FGD4: variants seen among roughly 807,000 people sequenced by gnomAD.
FGD4 encodes FYVE, RhoGEF and PH domain-containing protein 4.
Under a neutral mutation model 102.0 loss-of-function variants are expected in FGD4, and 42 were observed. The observed-to-expected ratio is 0.41, with a 90% CI of 0.32 to 0.53. The LOEUF is 0.53. Among genes scored for constraint, FGD4 ranks in the 20% least tolerant of loss-of-function variants. The pLI, the probability that FGD4 is intolerant of heterozygous loss-of-function variation, is 0.21. For missense variants in FGD4, 902 were observed against 1,078.2 expected (o/e 0.84, Z 2.29); for synonymous variants, 380 against 375.7 (o/e 1.01, Z -0.13).
intron 10 of FGD4, among the ~76,000 whole-genome samples, chr12:32,615,049 A>T (rs920749311): frequency 1.6e-4 from 24 of 152,364 alleles, no homozygotes; most frequent in African/African-American, 5.5e-4. Flanking sequence ...CATTATTCAT[A>T]ATAGCCAAAA....
intron 1 of FGD4, among the ~76,000 whole-genome samples, chr12:32,557,638 T>C (rs1944229504): frequency 6.6e-6 from 1 of 152,184 alleles, no homozygotes; most frequent in Admixed American, 6.5e-5. Flanking sequence ...TGAAGAACCT[T>C]TGTGGCTTGA....
chr12:32,450,921 G>T (rs1942756653), intron 1 of FGD4, among the ~76,000 whole-genome samples: 1 of 152,144 alleles, frequency 6.6e-6, no homozygotes, highest in Admixed American at 6.5e-5. Context: ...TCCCATTGCT[G>T]CTGCTCCCTC....
chr12:32,546,878 C>T (rs991339216), intron 1 of FGD4, among the ~76,000 whole-genome samples: 2 of 152,174 alleles, frequency 1.3e-5, no homozygotes, highest in African/African-American at 4.8e-5. Context: ...TGGAAACAGG[C>T]AAGGTAATCT....
At chr12:32,441,860 CCT>C (rs1009336386) in intron 1 of FGD4, among the ~76,000 whole-genome samples, 5 of 152,052 alleles carry the variant, frequency 3.3e-5, no homozygotes, top group Non-Finnish European at 7.4e-5. Context: ...TTAAACGCTC[CCT>C]CTGTGGGCAG....
chr12:32,526,090 T>G (rs940261863), intron 1 of FGD4, among the ~76,000 whole-genome samples: 26 of 152,354 alleles, frequency 1.7e-4, no homozygotes, highest in East Asian at 1.9e-4. Flanking sequence ...CAGCTCCACC[T>G]GCAGCCCCGG....
chr12:32,435,746 C>T (rs540414365), intron 1 of FGD4, among the ~76,000 whole-genome samples: 39 of 152,124 alleles, frequency 2.6e-4, no homozygotes, highest in Non-Finnish European at 4.4e-4. Context: ...TGGGTGGCCC[C>T]GCTTTCTGAT....
At chr12:32,578,218 T>G (rs1309066330) in intron 3 of FGD4, among the ~76,000 whole-genome samples, 1 of 152,126 alleles carries the variant, frequency 6.6e-6, no homozygotes, top group Non-Finnish European at 1.5e-5. Context: ...AAATATTATT[T>G]GTGGTAGAGT....
intron 1 of FGD4, among the ~76,000 whole-genome samples, chr12:32,533,344 T>C (rs1449112169): frequency 6.6e-6 from 1 of 152,212 alleles, no homozygotes; most frequent in Non-Finnish European, 1.5e-5. Flanking sequence ...TTGGAGAGGT[T>C]ATTTTCCCCA....
chr12:32,601,171 T>C (rs1319903838), intron 5 of FGD4, 107 bp from the exon 6 acceptor site: 2 of 1,153,082 alleles, frequency 1.7e-6, no homozygotes, highest in Non-Finnish European at 2.5e-6. Flanking sequence ...TGTAAACTTT[T>C]CCATTTGCTC....
At chr12:32,413,918 G>A (rs1941300253) in intron 1 of FGD4, among the ~76,000 whole-genome samples, 1 of 150,540 alleles carries the variant, frequency 6.6e-6, no homozygotes, top group Admixed American at 6.6e-5. Flanking sequence ...TGTACTTTTG[G>A]ACAGAAAGAT....
intron 14 of FGD4, among the ~76,000 whole-genome samples, chr12:32,630,812 C>CAAAAA (rs530800673): frequency 3.4e-4 from 43 of 125,488 alleles, no homozygotes; most frequent in African/African-American, 1.2e-3. Context: ...GAGACTATGT[C>CAAAAA]AAAAAAAAAA....
intron 1 of FGD4, among the ~76,000 whole-genome samples, chr12:32,428,403 C>T (rs1941922930): frequency 6.6e-6 from 1 of 152,240 alleles, no homozygotes; most frequent in African/African-American, 2.4e-5. Flanking sequence ...CACTCTTCTT[C>T]TGGCTTGTAG....
At chr12:32,495,004 T>C (rs759807273) in intron 1 of FGD4, among the ~76,000 whole-genome samples, 4 of 152,188 alleles carry the variant, frequency 2.6e-5, no homozygotes, top group Non-Finnish European at 5.9e-5. Flanking sequence ...TGTTCTTGTT[T>C]TTTCATGTCA....
intron 1 of FGD4, among the ~76,000 whole-genome samples, chr12:32,403,434 A>G (rs79608711): frequency 0.063 from 9,526 of 152,196 alleles, 427 homozygotes; most frequent in Middle Eastern, 0.14. Context: ...TCATCTGGAC[A>G]ACAGAGATAA....
intron 11 of FGD4, among the ~76,000 whole-genome samples, chr12:32,623,792 T>G (rs1050814865): frequency 3.9e-5 from 6 of 152,196 alleles, no homozygotes; most frequent in Non-Finnish European, 8.8e-5. Context: ...CTGACTACAG[T>G]CAAAGAAATT....
Position 32,619,344 on chromosome 12 carries a change from T to C in FGD4, c.1750-354T>C, listed in dbSNP as rs191584447. ...GGGCTACCTTTAAAATTGATCTGTT[T>C]CCAGCCGGGTGCGGTGGCTCACACC... is the stretch of plus-strand genomic sequence containing the variant. On this transcript the variant is annotated intron_variant, in intron 10 of 16. Coordinates refer to ENST00000534526, the MANE Select transcript of FGD4 (RefSeq NM_001370298.3). Among the ~76,000 whole-genome samples the C allele has an allele frequency of 6.2e-3, 946 of 152,206 alleles. 8 individuals carry two copies. Among genetic ancestry groups the C allele is most frequent in the African/African-American group, 0.02 (830 of 41,526 alleles).
chr12:32,526,238 G>C (rs555574693), intron 1 of FGD4, among the ~76,000 whole-genome samples: 81 of 152,280 alleles, frequency 5.3e-4, no homozygotes, highest in South Asian at 5.0e-3. Flanking sequence ...CGCACCAGTC[G>C]ACACTCTGTA....
chr12:32,493,164 C>T (rs575476115), intron 1 of FGD4, among the ~76,000 whole-genome samples: 6 of 152,308 alleles, frequency 3.9e-5, no homozygotes, highest in South Asian at 2.1e-4. Flanking sequence ...GGGCAGTCAC[C>T]GTCCAGCTAC....
At chr12:32,488,744 G>T (rs940758594) in intron 1 of FGD4, among the ~76,000 whole-genome samples, 3 of 152,176 alleles carry the variant, frequency 2.0e-5, no homozygotes, top group Non-Finnish European at 2.9e-5. Flanking sequence ...TTCGAGACCA[G>T]CCTGGCCAAC....
Sources: allele counts gnomAD v4.1 joint callset (sites outside exome capture counted in the v4.1 genomes callset), GRCh38; gene constraint gnomAD v4.1.1; transcripts MANE v1.5; gene names NCBI Gene and HGNC (gene_info 2026-07-23, HGNC 2026-07-21).